KIF26B: variants seen among roughly 807,000 people sequenced by gnomAD.
KIF26B encodes the protein kinesin family member 26B.
In KIF26B, 63 loss-of-function variants were observed where a neutral mutation model predicts 151.2. That is an observed-to-expected ratio of 0.42 (90% CI 0.34 to 0.51). The LOEUF (loss-of-function observed/expected upper bound fraction) is 0.51. Ranked by LOEUF, KIF26B falls within the 20% of genes least tolerant of loss-of-function variation. The pLI is 0.07. For synonymous variants in KIF26B, 1,357 were observed against 1,262.1 expected, an observed-to-expected ratio of 1.08 and a Z score of -1.59; for missense variants, 2,813 against 2,913.6, an observed-to-expected ratio of 0.97 and a Z score of 0.79.
intron 6 of KIF26B, among the ~76,000 whole-genome samples, chr1:245,603,846 C>T (rs1359300138): frequency 6.6e-6 from 1 of 152,150 alleles, no homozygotes; most frequent in East Asian, 1.9e-4. Context: ...TGCACCCAGG[C>T]TGGGGTGGAG....
At chr1:245,530,186 T>C (rs1195408432) in intron 4 of KIF26B, among the ~76,000 whole-genome samples, 1 of 152,122 alleles carries the variant, frequency 6.6e-6, no homozygotes, top group Non-Finnish European at 1.5e-5. Context: ...CAATAACAAA[T>C]GCTGGTGAGG....
intron 10 of KIF26B, among the ~76,000 whole-genome samples, chr1:245,652,331 T>C (rs765516092): frequency 3.3e-5 from 5 of 152,206 alleles, no homozygotes; most frequent in Non-Finnish European, 7.3e-5. Flanking sequence ...GCAGCAATGA[T>C]AATTCTTAGT....
chr1:245,341,855 G>A (rs901092375), intron 2 of KIF26B, among the ~76,000 whole-genome samples: 2 of 152,228 alleles, frequency 1.3e-5, no homozygotes, highest in East Asian at 1.9e-4. Context: ...CAGCTGTGCA[G>A]TGTCTAAGCT....
chr1:245,371,030 C>T lies in KIF26B; in HGVS notation c.999+3663C>T, dbSNP rs139541323. Among the ~76,000 whole-genome samples, 662 of 152,182 alleles carry T rather than the reference C, an allele frequency of 4.4e-3. 7 individuals carry two copies. The highest frequency in any genetic ancestry group is 0.015 in the African/African-American group (629 of 41,518). On this transcript the variant is annotated intron_variant, in intron 3 of 14. Coordinates refer to ENST00000407071, the MANE Select transcript of KIF26B (RefSeq NM_018012.4). ...ATGCAGACAGGCTCCTAATCCCGCC[C>T]GATGTGGCAAAGCCAGATACAACCA...
At chr1:245,522,597 A>G (rs1045448961) in intron 4 of KIF26B, among the ~76,000 whole-genome samples, 1 of 152,220 alleles carries the variant, frequency 6.6e-6, no homozygotes, top group African/African-American at 2.4e-5. Flanking sequence ...AACTGCACTA[A>G]CAGGAGATTT....
chr1:245,450,619 A>C (rs1448271310), intron 4 of KIF26B, among the ~76,000 whole-genome samples: 1 of 152,162 alleles, frequency 6.6e-6, no homozygotes, highest in Non-Finnish European at 1.5e-5. Flanking sequence ...TTGTGACTTC[A>C]TCTTCTCATT....
intron 2 of KIF26B, among the ~76,000 whole-genome samples, chr1:245,340,597 C>G (rs7541633): frequency 0.32 from 48,528 of 152,010 alleles, 13,469 homozygotes; most frequent in African/African-American, 0.74. Context: ...ATTTGTAGGC[C>G]CTACTGAGAG....
intron 2 of KIF26B, among the ~76,000 whole-genome samples, chr1:245,271,235 G>T (rs1573745076): frequency 6.6e-6 from 1 of 151,920 alleles, no homozygotes; most frequent in African/African-American, 2.4e-5. Flanking sequence ...GGCTATTCAG[G>T]GTCCTTTGTG....
At chr1:245,645,823 T>A (rs189199525) in intron 9 of KIF26B, among the ~76,000 whole-genome samples, 143 of 152,366 alleles carry the variant, frequency 9.4e-4, no homozygotes, top group Middle Eastern at 3.4e-3. Flanking sequence ...ATTTGACATT[T>A]ATTTTCTCCA....
At chr1:245,174,029 A>C (rs182576599) in intron 2 of KIF26B, among the ~76,000 whole-genome samples, 1 of 152,362 alleles carries the variant, frequency 6.6e-6, no homozygotes, top group Non-Finnish European at 1.5e-5. Context: ...TGAGAGCAGC[A>C]CATTAAATGG....
rs186291515 is a variant in KIF26B, at chr1:245,410,902, C to T, written c.1000-8677C>T. ...TTCATCTTCCCAAACTGTAACTCTG[C>T]CCCCGTTAACAATAACTCTATGAAT... On this transcript the variant is annotated intron_variant, in intron 3 of 14. Coordinates refer to ENST00000407071, the MANE Select transcript of KIF26B (RefSeq NM_018012.4). 4.1e-3 allele frequency among the ~76,000 whole-genome samples: 610 copies of T among 149,440 alleles called. 5 individuals carry two copies. The highest frequency in any genetic ancestry group is 0.014 in the African/African-American group (583 of 40,886).
At chr1:245,348,377 G>A (rs1672500626) in intron 2 of KIF26B, among the ~76,000 whole-genome samples, 1 of 152,052 alleles carries the variant, frequency 6.6e-6, no homozygotes, top group Non-Finnish European at 1.5e-5. Flanking sequence ...AGTCTGCTCA[G>A]GCTGATATAA....
Position 245,202,060 on chromosome 1 carries a change from T to C in KIF26B, c.465+45377T>C, listed in dbSNP as rs1292252215. On this transcript the variant is annotated intron_variant, in intron 2 of 14. Transcript: ENST00000407071. The stretch of plus-strand genomic sequence containing the variant: ...ATGACAGAGCAGCTTTATTTAGGAT[T>C]GCGAGGCAGGCCATATGTACTCAAT... Among the ~76,000 whole-genome samples, 8 of 152,290 alleles carry C rather than the reference T, an allele frequency of 5.3e-5. No homozygotes were observed. In the East Asian group the frequency reaches 1.5e-3, roughly 29 times the overall value.
chr1:245,649,115 T>C (rs2043984637), intron 10 of KIF26B, among the ~76,000 whole-genome samples: 1 of 152,206 alleles, frequency 6.6e-6, no homozygotes, highest in African/African-American at 2.4e-5. Context: ...CTAATGCCCT[T>C]CATTGTACGT....
intron 2 of KIF26B, among the ~76,000 whole-genome samples, chr1:245,325,627 C>G (rs551716903): frequency 6.6e-6 from 1 of 152,118 alleles, no homozygotes; most frequent in East Asian, 1.9e-4. Flanking sequence ...AGGAGAATCG[C>G]TTGAACCCAG....
chr1:245,399,854 T>G (rs183699660), intron 3 of KIF26B, among the ~76,000 whole-genome samples: 41 of 152,264 alleles, frequency 2.7e-4, no homozygotes, highest in Admixed American at 7.8e-4. Flanking sequence ...AGACTTAGAA[T>G]TATTGAGATG....
chr1:245,312,447 C>CT (rs1365222770), intron 2 of KIF26B, among the ~76,000 whole-genome samples: 1 of 152,098 alleles, frequency 6.6e-6, no homozygotes, highest in African/African-American at 2.4e-5. Flanking sequence ...GTTTGCCTCT[C>CT]TTTTTGTGTG....
intron 2 of KIF26B, among the ~76,000 whole-genome samples, chr1:245,319,678 T>C (rs1025435338): frequency 6.6e-6 from 1 of 152,150 alleles, no homozygotes; most frequent in African/African-American, 2.4e-5. Flanking sequence ...GGGATGAAAG[T>C]TGATTAAAAT....
intron 2 of KIF26B, among the ~76,000 whole-genome samples, chr1:245,230,480 C>T (rs1023565799): frequency 5.3e-5 from 8 of 152,058 alleles, no homozygotes; most frequent in South Asian, 2.1e-4. Flanking sequence ...TGGTGGCTCA[C>T]GCCTGTAATC....
Sources: allele counts gnomAD v4.1 joint callset (sites outside exome capture counted in the v4.1 genomes callset), GRCh38; gene constraint gnomAD v4.1.1; transcripts MANE v1.5; gene names NCBI Gene and HGNC (gene_info 2026-07-23, HGNC 2026-07-21).